The following ZFAT variants were observed in gnomAD, a reference collection of about 807,000 sequenced individuals.
ZFAT encodes the protein zinc finger protein ZFAT.
ZFAT carries 64 observed loss-of-function variants against 117.7 expected under a neutral mutation model. That is an observed-to-expected ratio of 0.54 (90% CI 0.44 to 0.67). ZFAT has a LOEUF of 0.67. ZFAT is among the 30% of genes least tolerant of loss of function. The probability of loss-of-function intolerance (pLI) is 0.00; values close to 1 mark genes in which losing one functional copy is unlikely to be tolerated. For missense variants in ZFAT, 1,433 were observed against 1,584.5 expected, an observed-to-expected ratio of 0.90 and a Z score of 1.62; for synonymous variants, 679 against 615.0, an observed-to-expected ratio of 1.10 and a Z score of -1.54.
the ZFAT span, among the ~76,000 whole-genome samples, chr8:134,719,902 C>G: frequency 6.6e-6 from 1 of 152,172 alleles, no homozygotes; most frequent in African/African-American, 2.4e-5. Flanking sequence ...ATGGTGGCCC[C>G]CAATGAACTA....
intron 1 of ZFAT, among the ~76,000 whole-genome samples, chr8:134,711,293 C>A (rs574401767): frequency 1.3e-5 from 2 of 152,314 alleles, no homozygotes; most frequent in African/African-American, 4.8e-5. Flanking sequence ...CTGCTGAGAA[C>A]CTTCACGAGG....
intron 13 of ZFAT, among the ~76,000 whole-genome samples, chr8:134,516,845 AC>A (rs77617532): frequency 0.2 from 30,902 of 151,854 alleles, 3,861 homozygotes; most frequent in South Asian, 0.38. Flanking sequence ...GGGTAGCCAG[AC>A]CCTATCTCTC....
intron 1 of ZFAT, among the ~76,000 whole-genome samples, chr8:134,700,376 G>A: frequency 6.6e-6 from 1 of 152,166 alleles, no homozygotes; most frequent in East Asian, 1.9e-4. Flanking sequence ...AGGAGAGAAA[G>A]GCAGGCTAGA....
At chr8:134,779,542 C>A in the ZFAT span, among the ~76,000 whole-genome samples, 1 of 152,182 alleles carries the variant, frequency 6.6e-6, no homozygotes, top group Non-Finnish European at 1.5e-5. Context: ...GCAGTTGCAA[C>A]ACTCATGCTT....
chr8:134,499,562 G>C (rs1818799124), intron 15 of ZFAT, among the ~76,000 whole-genome samples: 1 of 149,664 alleles, frequency 6.7e-6, no homozygotes, highest in Non-Finnish European at 1.5e-5. Context: ...GGTAGGGTCG[G>C]GGTGGAGCTG....
At chr8:134,520,251 G>C (rs1177588491) in intron 13 of ZFAT, among the ~76,000 whole-genome samples, 1 of 152,168 alleles carries the variant, frequency 6.6e-6, no homozygotes, top group Non-Finnish European at 1.5e-5. Context: ...ACAGCCTGTA[G>C]GGCACAGGAC....
chr8:134,645,389 A>G (rs1350625410), intron 2 of ZFAT, among the ~76,000 whole-genome samples: 2 of 152,204 alleles, frequency 1.3e-5, no homozygotes, highest in African/African-American at 4.8e-5. Flanking sequence ...ATAATGAAAG[A>G]CTTTTTAAAA....
the ZFAT span, among the ~76,000 whole-genome samples, chr8:134,815,459 A>C: frequency 6.6e-6 from 1 of 152,180 alleles, no homozygotes; most frequent in African/African-American, 2.4e-5. Flanking sequence ...TTCACAGCTA[A>C]GTTCACATTT....
chr8:134,522,956 C>G (rs1820768174), intron 12 of ZFAT, among the ~76,000 whole-genome samples: 1 of 152,174 alleles, frequency 6.6e-6, no homozygotes. Flanking sequence ...AATTCTGTCC[C>G]TCTGCTCCTG....
At position 134,694,051 on chromosome 8, in the gene ZFAT, T is replaced by C. The variant is rs573134782; in HGVS notation, c.19+18794A>G. Among the ~76,000 whole-genome samples the C allele has an allele frequency of 5.9e-5, 9 of 152,260 alleles. No homozygotes were observed. The South Asian group carries it at 1.7e-3, about 28-fold the overall frequency. On this transcript the variant is annotated intron_variant, in intron 1 of 15. Coordinates refer to ENST00000377838, the MANE Select transcript of ZFAT (RefSeq NM_020863.4). ...AGGGAGGTAGAGTCTACAAAATAAC[T>C]GGCCCATACTCCACAAAAATATCAA...
At position 134,639,249 on chromosome 8, in the gene ZFAT, C is replaced by T. The variant is rs559798271; in HGVS notation, c.197-1537G>A. On this transcript the variant is annotated intron_variant, in intron 2 of 15. Coordinates refer to ENST00000377838, the MANE Select transcript of ZFAT (RefSeq NM_020863.4). The stretch of plus-strand genomic sequence containing the variant: ...CTGAACAAAGAAGCCTGCCTTGGTA[C>T]GGGGTACCCAAGACCTCAGGGAAAC... Among the ~76,000 whole-genome samples the T allele has an allele frequency of 2.0e-4, 30 of 152,266 alleles. No individual in the cohort carries two copies. The South Asian group carries it at 3.1e-3, about 16-fold the overall frequency.
Position 134,555,106 on chromosome 8 carries a change from G to A in ZFAT, c.2976+10227C>T, listed in dbSNP as rs771022527. ...AAATCAGCAAAGGGAAGAGGCACAC[G>A]GGGTGAAGGCTAGGGGAAACCAGGT... On this transcript the variant is annotated intron_variant, in intron 11 of 15. Transcript: ENST00000377838. Among the ~76,000 whole-genome samples the A allele has an allele frequency of 3.3e-5, 5 of 152,174 alleles. No homozygotes were observed. The East Asian group carries it at 5.8e-4, about 18-fold the overall frequency.
chr8:134,636,533 A>G (rs1022759568), intron 3 of ZFAT, among the ~76,000 whole-genome samples: 19 of 152,228 alleles, frequency 1.2e-4, no homozygotes, highest in African/African-American at 3.4e-4. Context: ...AATTAAGTTA[A>G]TAAGTGCTGA....
At chr8:134,764,579 G>A in the ZFAT span, among the ~76,000 whole-genome samples, 1 of 152,162 alleles carries the variant, frequency 6.6e-6, no homozygotes, top group African/African-American at 2.4e-5. Flanking sequence ...AGAGACAATA[G>A]GAATACAAGC....
At chr8:134,751,225 G>A in the ZFAT span, among the ~76,000 whole-genome samples, 1 of 152,180 alleles carries the variant, frequency 6.6e-6, no homozygotes, top group African/African-American at 2.4e-5. Context: ...AAAGGAGGCT[G>A]TAGTTGAGTT....
the ZFAT span, among the ~76,000 whole-genome samples, chr8:134,730,423 C>G: frequency 6.1e-3 from 930 of 152,352 alleles, 14 homozygotes; most frequent in Non-Finnish European, 5.3e-3. Flanking sequence ...CCCCACTCCC[C>G]CTTCCTGCCA....
intron 12 of ZFAT, among the ~76,000 whole-genome samples, chr8:134,531,591 G>A (rs1821411809): frequency 6.6e-6 from 1 of 152,188 alleles, no homozygotes. Context: ...GGAGAGCTTG[G>A]GTAACATGCC....
At chr8:134,747,815 C>G in the ZFAT span, among the ~76,000 whole-genome samples, 2 of 152,194 alleles carry the variant, frequency 1.3e-5, no homozygotes, top group Admixed American at 6.5e-5. Context: ...AAGGCATCAT[C>G]ATCATATTAC....
At chr8:134,479,797 A>C (rs1586545200) in intron 15 of ZFAT, among the ~76,000 whole-genome samples, 1 of 152,174 alleles carries the variant, frequency 6.6e-6, no homozygotes, top group East Asian at 1.9e-4. Context: ...CCTGGGCAAG[A>C]CACTTTTGCC....
Sources: gnomAD v4.1 joint callset for allele counts (sites outside exome capture counted in the v4.1 genomes callset) on GRCh38, gnomAD v4.1.1 for gene constraint, MANE v1.5 for transcripts, NCBI Gene and HGNC (gene_info 2026-07-23, HGNC 2026-07-21) for gene names.